The following MGST1 variants were observed in gnomAD, a reference collection of about 807,000 sequenced individuals.
The protein encoded by MGST1 is glutathione S-transferase 12.
Under a neutral mutation model 8.9 loss-of-function variants are expected in MGST1, and 5 were observed. The observed-to-expected ratio is 0.56, with a 90% CI of 0.29 to 1.19. MGST1 has a LOEUF of 1.19. Among genes scored for constraint, MGST1 ranks in the 50% most tolerant of loss-of-function variants. The pLI is 0.08. For missense variants in MGST1, 182 were observed against 187.4 expected, an observed-to-expected ratio of 0.97 and a Z score of 0.17; for synonymous variants, 54 against 67.8, an observed-to-expected ratio of 0.80 and a Z score of 1.00.
At chr12:16,445,032 T>C (rs1242978208) in intron 4 of MGST1, among the ~76,000 whole-genome samples, 3 of 151,914 alleles carry the variant, frequency 2.0e-5, no homozygotes, top group African/African-American at 7.2e-5. Flanking sequence ...TTAACACTGC[T>C]GAAACCGCCA....
intron 4 of MGST1, among the ~76,000 whole-genome samples, chr12:16,528,326 C>T (rs1171639572): frequency 6.6e-6 from 1 of 151,542 alleles, no homozygotes; most frequent in Non-Finnish European, 1.5e-5. Context: ...GAGGATTCAG[C>T]GAGGGGAACG....
In MGST1 at chr12:16,584,589, G is replaced by GGGGGTAAGAGGCCTGTTTAGAGGT. The variant is rs1270688519; in HGVS notation, n.483-4936_483-4913dup. ...TAACATTGGCAAGTGGAGGAGTGGGGGGGGTAAGAGGCCTGTTTAGAGGTG... is the reference window on the plus strand; with the variant it reads ...TAACATTGGCAAGTGGAGGAGTGGGGGGGGTAAGAGGCCTGTTTAGAGGTGGGGTAAGAGGCCTGTTTAGAGGTG... On this transcript the variant is annotated intron_variant and non_coding_transcript_variant, in intron 4 of 4. Coordinates refer to the MGST1 transcript ENST00000538857. This position sits in a 1 kb window ranked among gnomAD's most constrained non-coding sequence, Gnocchi z 5.2. Among the ~76,000 whole-genome samples, 3 of 152,148 alleles carry GGGGGTAAGAGGCCTGTTTAGAGGT rather than the reference G, an allele frequency of 2.0e-5. No homozygotes were observed. Among genetic ancestry groups the GGGGGTAAGAGGCCTGTTTAGAGGT allele is most frequent in the Admixed American group, 2.0e-4 (3 of 15,274 alleles).
chr12:16,523,875 C>T (rs1457146610), intron 4 of MGST1, among the ~76,000 whole-genome samples: 6 of 151,956 alleles, frequency 3.9e-5, no homozygotes, highest in Admixed American at 1.3e-4. Flanking sequence ...GCATATTGTC[C>T]GGTGAAGTAA....
At chr12:16,445,357 C>A (rs554083301) in intron 4 of MGST1, among the ~76,000 whole-genome samples, 15 of 151,908 alleles carry the variant, frequency 9.9e-5, no homozygotes, top group Admixed American at 9.2e-4. Context: ...AGTTGATAGA[C>A]CCTTGAAGAT....
intron 1 of MGST1, chr12:16,402,476 G>T: frequency 6.6e-7 from 1 of 1,523,308 alleles, no homozygotes; most frequent in Non-Finnish European, 9.1e-7. Context: ...TCCCGGCTCT[G>T]CCACCTGCTC....
At chr12:16,365,750 C>CATACAT (rs3029451), downstream of MGST1, among the ~76,000 whole-genome samples, 1 of 151,426 alleles carries the variant, frequency 6.6e-6, no homozygotes, top group African/African-American at 2.4e-5. Context: ...CGCGCACACA[C>CATACAT]ACACACACAC....
At chr12:16,518,251 T>C (rs867456615) in intron 4 of MGST1, among the ~76,000 whole-genome samples, 56 of 152,310 alleles carry the variant, frequency 3.7e-4, no homozygotes, top group African/African-American at 1.3e-3. Flanking sequence ...TGCTAACTTA[T>C]CAAGGTTGTC....
intron 1 of MGST1, among the ~76,000 whole-genome samples, chr12:16,428,001 T>C (rs2137090224): frequency 6.6e-6 from 1 of 152,136 alleles, no homozygotes; most frequent in Non-Finnish European, 1.5e-5. Flanking sequence ...TCTTTCTGTT[T>C]AGTCTTTATT....
intron 1 of MGST1, among the ~76,000 whole-genome samples, chr12:16,422,483 A>C (rs1406263375): frequency 6.6e-6 from 1 of 152,104 alleles, no homozygotes; most frequent in African/African-American, 2.4e-5. Flanking sequence ...CTCCATTATC[A>C]GGTCAAAAGG....
At chr12:16,356,245 G>A (rs181864620) in intron 2 of MGST1, among the ~76,000 whole-genome samples, 27 of 152,242 alleles carry the variant, frequency 1.8e-4, no homozygotes, top group African/African-American at 6.5e-4. Flanking sequence ...AATAAAGAGT[G>A]AAACTGAGAT....
downstream of MGST1, among the ~76,000 whole-genome samples, chr12:16,441,397 T>C (rs1941037517): frequency 6.6e-6 from 1 of 151,904 alleles, no homozygotes; most frequent in Non-Finnish European, 1.5e-5. Context: ...GTATAGTCCA[T>C]GGGTTTTGAT....
intron 4 of MGST1, among the ~76,000 whole-genome samples, chr12:16,463,220 T>A (rs1941232543): frequency 6.6e-6 from 1 of 152,018 alleles, no homozygotes; most frequent in Non-Finnish European, 1.5e-5. Flanking sequence ...GTTTTCTCCG[T>A]CAACCTAGAG....
chr12:16,572,416 C>T (rs527261632), intron 4 of MGST1, among the ~76,000 whole-genome samples: 79 of 102,204 alleles, frequency 7.7e-4, no homozygotes, highest in African/African-American at 3.0e-3. Flanking sequence ...GAATGTGTAT[C>T]TATCTTCTTT....
chr12:16,507,153 G>C (rs951574674), intron 4 of MGST1, among the ~76,000 whole-genome samples: 1 of 152,186 alleles, frequency 6.6e-6, no homozygotes, highest in African/African-American at 2.4e-5. Context: ...TCCCTAGATA[G>C]AGAAAGAGGT....
Position 16,546,344 on chromosome 12 carries a change from C to T in MGST1, n.483-43184C>T, listed in dbSNP as rs530865090. Among the ~76,000 whole-genome samples, 9 of 152,106 alleles carry T rather than the reference C, an allele frequency of 5.9e-5. No individual in the cohort carries two copies. The highest frequency in any genetic ancestry group is 3.9e-4 in the Admixed American group (6 of 15,246). ...TATAGTTAATGCCAACCACTTTGCCCGTAAAGCCAAAATATTCTGTAATCA... is the reference window on the plus strand; with the variant it reads ...TATAGTTAATGCCAACCACTTTGCCTGTAAAGCCAAAATATTCTGTAATCA... On this transcript the variant is annotated intron_variant and non_coding_transcript_variant, in intron 4 of 4. Transcript: ENST00000538857. The surrounding 1 kb of genome is among the most constrained non-coding windows in gnomAD (Gnocchi z 4.7).
intron 4 of MGST1, among the ~76,000 whole-genome samples, chr12:16,527,915 G>A (rs1294266782): frequency 6.6e-6 from 1 of 151,976 alleles, no homozygotes; most frequent in Non-Finnish European, 1.5e-5. Flanking sequence ...CAGAGAAGGT[G>A]CTATTATCAT....
chr12:16,593,093 C>T (rs1229105597), downstream of MGST1, among the ~76,000 whole-genome samples: 2 of 151,678 alleles, frequency 1.3e-5, no homozygotes, highest in Non-Finnish European at 3.0e-5. This position sits in a 1 kb window ranked among gnomAD's most constrained non-coding sequence, Gnocchi z 4.2. Context: ...TATGAAGTTC[C>T]ATGCCTGCTT....
At chr12:16,404,684 A>C (rs1940685230) in intron 1 of MGST1, among the ~76,000 whole-genome samples, 1 of 151,960 alleles carries the variant, frequency 6.6e-6, no homozygotes, top group Non-Finnish European at 1.5e-5. Flanking sequence ...TCCTCTCCCT[A>C]TTTTTGTGTT....
At position 16,577,301 on chromosome 12, in the gene MGST1, A is replaced by G. The variant is rs117846396; in HGVS notation, n.483-12227A>G. On this transcript the variant is annotated intron_variant and non_coding_transcript_variant, in intron 4 of 4. Transcript: ENST00000538857. ...TCTTCTTTTTAGGATCATCTCCTAA[A>G]TTTCCTTTTCAGCTTCTAGGACCAT... is the stretch of plus-strand genomic sequence containing the variant. 2.2e-4 allele frequency among the ~76,000 whole-genome samples: 34 copies of G among 152,262 alleles called. No individual in the cohort carries two copies. The East Asian group carries it at 5.0e-3, about 22-fold the overall frequency.
Sources: allele counts gnomAD v4.1 joint callset (sites outside exome capture counted in the v4.1 genomes callset), GRCh38; gene constraint gnomAD v4.1.1; non-coding constraint Gnocchi (gnomAD v3.1); transcripts MANE v1.5; gene names NCBI Gene and HGNC (gene_info 2026-07-23, HGNC 2026-07-21).